The following THSD7B variants were observed in gnomAD, a reference collection of about 807,000 sequenced individuals.
THSD7B encodes the protein thrombospondin type 1 domain containing 7B, also known as thrombospondin type-1 domain-containing protein 7B.
Under a neutral mutation model 213.6 loss-of-function variants are expected in THSD7B, and 138 were observed. That is an observed-to-expected ratio of 0.65 (90% confidence interval 0.56 to 0.74). The LOEUF is 0.74. Among genes scored for constraint, THSD7B ranks in the 30% least tolerant of loss-of-function variants. THSD7B has a pLI of 0.00. For synonymous variants in THSD7B, 742 were observed against 687.0 expected (o/e 1.08, Z -1.25); for missense variants, 1,931 against 1,991.5 (o/e 0.97, Z 0.58).
chr2:136,835,018 C>T (rs1175478344), intron 1 of THSD7B, among the ~76,000 whole-genome samples: 3 of 152,106 alleles, frequency 2.0e-5, no homozygotes, highest in Non-Finnish European at 4.4e-5. Context: ...TTGATAGCAG[C>T]CATATTATTT....
At chr2:137,608,406 A>G (rs1373756007) in intron 17 of THSD7B, among the ~76,000 whole-genome samples, 1 of 151,596 alleles carries the variant, frequency 6.6e-6, no homozygotes, top group African/African-American at 2.4e-5. Flanking sequence ...AACATACTCC[A>G]CAAGCACCAG....
At chr2:137,202,868 TGATA>T (rs1233492743) in intron 7 of THSD7B, among the ~76,000 whole-genome samples, 7 of 152,160 alleles carry the variant, frequency 4.6e-5, no homozygotes, top group Middle Eastern at 3.4e-3. Context: ...GATAAACAGA[TGATA>T]GATAGATAAC....
At chr2:136,861,535 A>G (rs1431207102) in intron 1 of THSD7B, among the ~76,000 whole-genome samples, 1 of 152,196 alleles carries the variant, frequency 6.6e-6, no homozygotes, top group Non-Finnish European at 1.5e-5. Context: ...AGAGTATGCC[A>G]GGACTGGGTG....
At chr2:136,878,539 G>A (rs1683562002) in intron 1 of THSD7B, among the ~76,000 whole-genome samples, 1 of 152,052 alleles carries the variant, frequency 6.6e-6, no homozygotes, top group Admixed American at 6.6e-5. Context: ...CACCAACAGT[G>A]TAAAAGTGTT....
chr2:137,275,967 C>A lies in THSD7B; in HGVS notation c.2441C>A (p.Ser814Tyr), dbSNP rs184576729. ...AGCCCTTGCATCTTAGTGCCAGAGT[C>A]TGTCTGGCAGGGAATAACGGGCAGC... is the stretch of plus-strand genomic sequence containing the variant. ...KWSPCILVPE[S>Y]VWQGITGSSE... Residue 814 changes from serine (S) to tyrosine (Y), a missense_variant, in exon 12 of 28, where the codon TCT becomes TAT. Coordinates refer to ENST00000409968, the MANE Select transcript of THSD7B (RefSeq NM_001316349.2). The A allele has an allele frequency of 8.8e-5, 142 of 1,612,252 alleles. No individual in the cohort carries two copies. In the African/African-American group the frequency reaches 1.7e-3, roughly 19 times the overall value.
intron 27 of THSD7B, 125 bp downstream of exon 27, chr2:137,667,986 G>A (rs1482637718): frequency 1.7e-6 from 1 of 590,066 alleles, no homozygotes; most frequent in African/African-American, 1.9e-5. Context: ...ATTAACAGTA[G>A]AATGGCTGAA....
chr2:137,060,145 C>T (rs1687244608), intron 3 of THSD7B, among the ~76,000 whole-genome samples: 1 of 152,078 alleles, frequency 6.6e-6, no homozygotes, highest in African/African-American at 2.4e-5. Context: ...CATACACTTG[C>T]TTGCCATCTG....
chr2:136,828,548 G>A (rs573605073), intron 1 of THSD7B, among the ~76,000 whole-genome samples: 31 of 152,304 alleles, frequency 2.0e-4, no homozygotes, highest in Non-Finnish European at 3.2e-4. Flanking sequence ...GTTTCAAAAT[G>A]AAAATTGCTA....
intron 17 of THSD7B, among the ~76,000 whole-genome samples, chr2:137,573,506 A>G (rs1290385893): frequency 6.6e-6 from 1 of 151,910 alleles, no homozygotes; most frequent in Non-Finnish European, 1.5e-5. Context: ...TGTTATTTTT[A>G]TTTGTTGAGT....
At chr2:137,316,620 C>T (rs747328911) in intron 12 of THSD7B, among the ~76,000 whole-genome samples, 3 of 151,734 alleles carry the variant, frequency 2.0e-5, no homozygotes, top group African/African-American at 7.3e-5. Context: ...AAGCCAGGCG[C>T]GGTGGTGGGT....
At chr2:137,198,755 A>T (rs1003793522) in intron 7 of THSD7B, among the ~76,000 whole-genome samples, 1 of 152,202 alleles carries the variant, frequency 6.6e-6, no homozygotes, top group Non-Finnish European at 1.5e-5. Flanking sequence ...CTCTGAATAC[A>T]AACTTTTATT....
intron 6 of THSD7B, among the ~76,000 whole-genome samples, chr2:137,168,268 G>C (rs1680174857): frequency 6.6e-6 from 1 of 152,122 alleles, no homozygotes; most frequent in African/African-American, 2.4e-5. Context: ...AATATTTATG[G>C]AATAATATCA....
At chr2:136,789,674 T>C (rs530262904) in intron 1 of THSD7B, among the ~76,000 whole-genome samples, 17 of 152,232 alleles carry the variant, frequency 1.1e-4, no homozygotes, top group African/African-American at 4.1e-4. Context: ...GAATAAGTAA[T>C]GTACAACTTG....
intron 27 of THSD7B, among the ~76,000 whole-genome samples, chr2:137,669,270 G>T (rs1209206957): frequency 6.6e-6 from 1 of 151,984 alleles, no homozygotes; most frequent in African/African-American, 2.4e-5. Flanking sequence ...TTAAATTTTT[G>T]CTCTTGGTCA....
intron 2 of THSD7B, among the ~76,000 whole-genome samples, chr2:137,025,293 C>T (rs1686528178): frequency 6.6e-6 from 1 of 152,130 alleles, no homozygotes; most frequent in South Asian, 2.1e-4. Flanking sequence ...CCCAAATGCT[C>T]ATTCCACAGA....
intron 21 of THSD7B, 31 bp downstream of exon 21, chr2:137,642,664 T>C (rs745309601): frequency 1.2e-6 from 2 of 1,610,082 alleles, no homozygotes; most frequent in East Asian, 4.5e-5. Flanking sequence ...TAGAGAAATA[T>C]TCATCAGTAT....
intron 1 of THSD7B, among the ~76,000 whole-genome samples, chr2:136,770,652 G>T (rs1430760518): frequency 6.6e-6 from 1 of 152,120 alleles, no homozygotes; most frequent in African/African-American, 2.4e-5. Flanking sequence ...AGGCTGTTCT[G>T]ATTGGCTTAT....
intron 2 of THSD7B, among the ~76,000 whole-genome samples, chr2:136,952,689 T>C (rs1209534520): frequency 1.3e-5 from 2 of 152,294 alleles, no homozygotes; most frequent in South Asian, 2.1e-4. Flanking sequence ...AAAATTTCTA[T>C]TGTGTTTTAT....
chr2:137,080,205 T>C (rs1007796391), intron 3 of THSD7B, among the ~76,000 whole-genome samples: 2 of 151,266 alleles, frequency 1.3e-5, no homozygotes, highest in African/African-American at 4.9e-5. Flanking sequence ...TATAATTGTA[T>C]TGTATTGTAT....
Sources: gnomAD v4.1 joint callset for allele counts (sites outside exome capture counted in the v4.1 genomes callset) on GRCh38, gnomAD v4.1.1 for gene constraint, MANE v1.5 for transcripts, NCBI Gene and HGNC (gene_info 2026-07-23, HGNC 2026-07-21) for gene names.